The following SYNE1 variants were observed in gnomAD, a reference collection of about 807,000 sequenced individuals.
The protein encoded by SYNE1 is nesprin-1.
A neutral mutation model predicts 1,111.0 loss-of-function variants in SYNE1; 616 were observed. The ratio of observed to expected loss-of-function variants is 0.55; its 90% CI spans 0.52 to 0.59. SYNE1 has a LOEUF of 0.59. SYNE1 is among the 20% of genes least tolerant of loss of function. SYNE1 has a pLI of 0.00. For missense variants in SYNE1, 10,006 were observed against 10,417.0 expected (o/e 0.96, Z 1.72); for synonymous variants, 3,855 against 3,825.8 (o/e 1.01, Z -0.28).
intron 95 of SYNE1, among the ~76,000 whole-genome samples, chr6:152,293,158 G>C (rs1037664843): frequency 6.6e-6 from 1 of 152,214 alleles, no homozygotes; most frequent in African/African-American, 2.4e-5. Flanking sequence ...ATTTTCTGAA[G>C]TGATAATGGA....
Position 152,164,339 on chromosome 6 carries a change from A to AG in SYNE1, c.23628-15dup, listed in dbSNP as rs764764249. The AG allele has an allele frequency of 1.9e-5, 30 of 1,613,994 alleles. No homozygotes were observed. Among genetic ancestry groups the AG allele is most frequent in the Non-Finnish European group, 2.5e-5 (30 of 1,180,024 alleles). On this transcript the variant is annotated splice_polypyrimidine_tract_variant and intron_variant, in intron 130 of 145. Coordinates refer to ENST00000367255, the MANE Select transcript of SYNE1 (RefSeq NM_182961.4). ...AGCTTCTTCACCCTGTGGGCAGAGA[A>AG]GGGGGAATGTCCCACTTCAGCGAGA...
At position 152,232,250 on chromosome 6, in the gene SYNE1, GTT is replaced by G; in HGVS notation, c.20726_20727del (p.Lys6909ThrfsTer9). The G allele has an allele frequency of 6.2e-7, 1 of 1,613,960 alleles. No individual in the cohort carries two copies. Among genetic ancestry groups the G allele is most frequent in the South Asian group, 1.1e-5 (1 of 91,078 alleles). Reference protein sequence around the residue: ...QEKLHQLQMDKLPSRHAISEV... With the variant: ...QEKLHQLQMDXLPSRHAISEV... ...TCAGAAATGGCATGGCGGGAAGGCAGTTTATCCATCTGGAGCTGTCCAAGTCA... is the reference window on the plus strand; with the variant it reads ...TCAGAAATGGCATGGCGGGAAGGCAGTATCCATCTGGAGCTGTCCAAGTCA... On this transcript the variant is annotated frameshift_variant, in exon 113 of 146. Coordinates refer to ENST00000367255, the MANE Select transcript of SYNE1 (RefSeq NM_182961.4). LOFTEE classifies it high-confidence loss of function.
intron 95 of SYNE1, among the ~76,000 whole-genome samples, chr6:152,289,804 T>G (rs913511823): frequency 1.3e-5 from 2 of 152,118 alleles, no homozygotes; most frequent in African/African-American, 2.4e-5. Context: ...GTTTTTGTAT[T>G]TTTAGTAGAG....
chr6:152,305,716 T>C (rs572773383), intron 91 of SYNE1, among the ~76,000 whole-genome samples: 12 of 152,356 alleles, frequency 7.9e-5, no homozygotes, highest in African/African-American at 2.9e-4. Flanking sequence ...TCCCAATTTG[T>C]ATGTTATCAT....
At chr6:152,533,640 A>C (rs1262831180) in intron 4 of SYNE1, among the ~76,000 whole-genome samples, 1 of 151,948 alleles carries the variant, frequency 6.6e-6, no homozygotes, top group Non-Finnish European at 1.5e-5. Context: ...AATAACCTCT[A>C]ACTTATCTCC....
At chr6:152,260,673 C>T (rs1029047750) in intron 101 of SYNE1, among the ~76,000 whole-genome samples, 1 of 150,648 alleles carries the variant, frequency 6.6e-6, no homozygotes, top group Non-Finnish European at 1.5e-5. Context: ...CAGCGATCCC[C>T]AACCTTTTTG....
intron 99 of SYNE1, 70 bp downstream of exon 99, chr6:152,269,082 CCTT>C (rs2092980358): frequency 2.5e-6 from 4 of 1,605,380 alleles, no homozygotes; most frequent in Non-Finnish European, 3.4e-6. Context: ...ACTTGTCTGT[CCTT>C]CTGAAATATG....
chr6:152,331,467 C>T lies in SYNE1; in HGVS notation c.13218G>A (p.Lys4406=), dbSNP rs1313470449. The T allele has an allele frequency of 3.1e-6, 5 of 1,614,038 alleles. No homozygotes were observed. In the Admixed American group the frequency reaches 8.3e-5, roughly 27 times the overall value. The part of the protein sequence containing the change: ...AKQMLLKSLI[K]DADRVMADLG... ...GATCTGCCATGACCCTGTCTGCGTC[C>T]TTTATAAGCGATTTCAGGAGCATCT... The change falls in exon 78 of 146, where the codon AAG becomes AAA. Residue 4406 remains lysine, a synonymous_variant. Coordinates refer to ENST00000367255, the MANE Select transcript of SYNE1 (RefSeq NM_182961.4).
intron 61 of SYNE1, 124 bp downstream of exon 61, chr6:152,368,848 C>T: frequency 1.7e-6 from 2 of 1,203,744 alleles, no homozygotes; most frequent in Non-Finnish European, 2.4e-6. Flanking sequence ...ACGCCCCTTA[C>T]TGCTGACCTG....
intron 25 of SYNE1, 188 bp downstream of exon 25, chr6:152,453,398 G>A (rs1427089764): frequency 5.2e-6 from 4 of 774,144 alleles, no homozygotes; most frequent in Non-Finnish European, 8.4e-6. Flanking sequence ...ATAATAAATA[G>A]GAATAACACA....
At chr6:152,258,612 CATT>C (rs1388485520) in intron 101 of SYNE1, among the ~76,000 whole-genome samples, 1 of 152,164 alleles carries the variant, frequency 6.6e-6, no homozygotes, top group East Asian at 1.9e-4. Flanking sequence ...TCTTTGCTTT[CATT>C]ATTAACCCCA....
intron 3 of SYNE1, among the ~76,000 whole-genome samples, chr6:152,610,830 G>T (rs1004933474): frequency 1.3e-5 from 2 of 152,060 alleles, no homozygotes; most frequent in Admixed American, 1.3e-4. Flanking sequence ...AGAGAGTGGG[G>T]GCCAATATTC....
intron 127 of SYNE1, among the ~76,000 whole-genome samples, chr6:152,196,532 G>A (rs1307301581): frequency 6.6e-6 from 1 of 151,934 alleles, no homozygotes; most frequent in African/African-American, 2.4e-5. Context: ...TCCCTTCAAT[G>A]CAGCAGGTTC....
In SYNE1 at chr6:152,326,294, A is replaced by T; in HGVS notation, c.15293+2T>A. 6.2e-7 allele frequency: 1 copy of T among 1,614,124 alleles called. No individual in the cohort carries two copies. The highest frequency in any genetic ancestry group is 8.5e-7 in the Non-Finnish European group (1 of 1,179,988). On this transcript the variant is annotated splice_donor_variant, in intron 79 of 145. Transcript: ENST00000367255. LOFTEE classifies it high-confidence loss of function. ...CATAAAACACAAAACATCCTGAAAT[A>T]CCTCTGCAAGAGATCCACTTGGGCA...
chr6:152,189,962 T>C (rs575280332), intron 127 of SYNE1, among the ~76,000 whole-genome samples: 6 of 152,352 alleles, frequency 3.9e-5, no homozygotes, highest in East Asian at 1.9e-4. Context: ...TTTGAGAGCA[T>C]TGTACTCACA....
chr6:152,502,340 A>G (rs1488254760), intron 10 of SYNE1, among the ~76,000 whole-genome samples: 1 of 152,204 alleles, frequency 6.6e-6, no homozygotes, highest in Non-Finnish European at 1.5e-5. Flanking sequence ...AATTACTTCA[A>G]TTCTCAGATC....
chr6:152,507,386 A>C (rs1043955929), intron 8 of SYNE1, among the ~76,000 whole-genome samples: 14 of 152,192 alleles, frequency 9.2e-5, no homozygotes, highest in Non-Finnish European at 1.9e-4. Flanking sequence ...GCTTTTCTAA[A>C]TATTTACTGT....
Position 152,512,956 on chromosome 6 carries a change from T to A in SYNE1, c.310-1853A>T, listed in dbSNP as rs115096887. Among the ~76,000 whole-genome samples the A allele has an allele frequency of 1.7e-3, 263 of 152,264 alleles. 1 individual carries two copies. The highest frequency in any genetic ancestry group is 5.9e-3 in the African/African-American group (244 of 41,544). On this transcript the variant is annotated intron_variant, in intron 6 of 145. Transcript: ENST00000367255. ...GACAGATAAAACCAGAGCAGAAGGA[T>A]GTTGAGCCAGATGTTCTCAAAGGGT...
chr6:152,250,221 G>A lies in SYNE1; in HGVS notation c.19471-959C>T, dbSNP rs145845509. On this transcript the variant is annotated intron_variant, in intron 104 of 145. Transcript: ENST00000367255. ...TGAGGTTGAAGTGAGCTATGATCAC[G>A]CCACTACATGCCAGCCTGGGTGACT... 3.2e-4 allele frequency among the ~76,000 whole-genome samples: 48 copies of A among 151,698 alleles called. No homozygotes were observed. The East Asian group carries it at 6.2e-3, about 20-fold the overall frequency.
Sources: allele counts gnomAD v4.1 joint callset (sites outside exome capture counted in the v4.1 genomes callset), GRCh38; gene constraint gnomAD v4.1.1; transcripts MANE v1.5; gene names NCBI Gene and HGNC (gene_info 2026-07-23, HGNC 2026-07-21).